SDK1: variants seen among roughly 807,000 people sequenced by gnomAD.
The protein encoded by SDK1 is sidekick cell adhesion molecule 1.
SDK1 carries 157 observed loss-of-function variants against 245.5 expected under a neutral mutation model. That is an observed-to-expected ratio of 0.64 (90% CI 0.56 to 0.73). The LOEUF is 0.73. Among genes scored for constraint, SDK1 ranks in the 30% least tolerant of loss-of-function variants. The pLI is 0.00. For missense variants in SDK1, 3,583 were observed against 3,002.3 expected, an observed-to-expected ratio of 1.19 and a Z score of -4.52; for synonymous variants, 1,647 against 1,278.5, an observed-to-expected ratio of 1.29 and a Z score of -6.15.
At chr7:4,002,440 T>G (rs1185589718) in intron 14 of SDK1, among the ~76,000 whole-genome samples, 1 of 152,140 alleles carries the variant, frequency 6.6e-6, no homozygotes, top group Non-Finnish European at 1.5e-5. Context: ...CAAACTAATC[T>G]CAGTAACTCA....
intron 1 of SDK1, among the ~76,000 whole-genome samples, chr7:3,366,995 C>T (rs4571639): frequency 0.46 from 69,906 of 151,964 alleles, 17,715 homozygotes; most frequent in East Asian, 0.62. Context: ...CTGCCTCAGC[C>T]TCCCAAAGTG....
chr7:3,943,682 C>T (rs867603248), intron 5 of SDK1, among the ~76,000 whole-genome samples: 1 of 151,928 alleles, frequency 6.6e-6, no homozygotes, highest in Admixed American at 6.5e-5. Flanking sequence ...AGTGACTCCA[C>T]AGCTTAGCAG....
chr7:3,487,807 C>T (rs1284540359), intron 1 of SDK1, among the ~76,000 whole-genome samples: 1 of 150,480 alleles, frequency 6.6e-6, no homozygotes, highest in Non-Finnish European at 1.5e-5. Flanking sequence ...TGTGGCTCTC[C>T]AAAGCTCAGC....
intron 1 of SDK1, among the ~76,000 whole-genome samples, chr7:3,332,778 C>A (rs1468420684): frequency 6.6e-6 from 1 of 151,586 alleles, no homozygotes; most frequent in Non-Finnish European, 1.5e-5. Context: ...AACTTCTTTT[C>A]CCCCCAGGAA....
At chr7:3,610,799 T>C (rs1464823837) in intron 1 of SDK1, among the ~76,000 whole-genome samples, 1 of 152,248 alleles carries the variant, frequency 6.6e-6, no homozygotes, top group Non-Finnish European at 1.5e-5. Context: ...GCTGACTGCA[T>C]AGGCAAACTA....
intron 44 of SDK1, among the ~76,000 whole-genome samples, chr7:4,246,396 G>C (rs957968654): frequency 6.6e-6 from 1 of 152,120 alleles, no homozygotes; most frequent in Admixed American, 6.5e-5. Flanking sequence ...GTGGACTCCT[G>C]CCTCGGAGGC....
chr7:3,319,381 G>A (rs995046123), intron 1 of SDK1, among the ~76,000 whole-genome samples: 2 of 152,094 alleles, frequency 1.3e-5, no homozygotes, highest in East Asian at 3.9e-4. Context: ...GTGCCTGTAA[G>A]AGCATCTGGG....
chr7:3,658,019 A>G (rs1053601282), intron 4 of SDK1, among the ~76,000 whole-genome samples: 2 of 152,186 alleles, frequency 1.3e-5, no homozygotes, highest in Admixed American at 1.3e-4. Flanking sequence ...GGTCCTGCAC[A>G]GGCCTTGGGC....
intron 1 of SDK1, among the ~76,000 whole-genome samples, chr7:3,488,365 C>T (rs766278681): frequency 5.1e-4 from 77 of 152,032 alleles, no homozygotes; most frequent in Non-Finnish European, 9.3e-4. Flanking sequence ...TTTGTAATTG[C>T]TTGTTTGGCT....
At chr7:3,350,135 C>T (rs1429822078) in intron 1 of SDK1, among the ~76,000 whole-genome samples, 1 of 152,010 alleles carries the variant, frequency 6.6e-6, no homozygotes, top group Admixed American at 6.6e-5. Context: ...GAGAGGTAAG[C>T]CATTTTAAGT....
At chr7:3,425,019 T>G (rs73034795) in intron 1 of SDK1, among the ~76,000 whole-genome samples, 4,595 of 152,260 alleles carry the variant, frequency 0.03, 96 homozygotes, top group Middle Eastern at 0.045. Flanking sequence ...ATAAATTATT[T>G]ATTAATCAAT....
chr7:4,133,510 TGGGTGG>T (rs1784990054), intron 28 of SDK1, among the ~76,000 whole-genome samples: 1 of 152,150 alleles, frequency 6.6e-6, no homozygotes, highest in Non-Finnish European at 1.5e-5. Flanking sequence ...CAGCTCCTTC[TGGGTGG>T]GGTCTCTGTG....
At chr7:3,370,570 G>A (rs1404114623) in intron 1 of SDK1, among the ~76,000 whole-genome samples, 2 of 152,168 alleles carry the variant, frequency 1.3e-5, no homozygotes, top group Admixed American at 6.5e-5. Context: ...TGGACTACTT[G>A]GGCCCGATAT....
At chr7:3,666,697 T>A (rs1212629566) in intron 4 of SDK1, among the ~76,000 whole-genome samples, 2 of 151,048 alleles carry the variant, frequency 1.3e-5, no homozygotes, top group Admixed American at 6.6e-5. Context: ...TTAATTGTTT[T>A]ATGCCTAATA....
At chr7:3,700,102 A>G (rs1187375136) in intron 4 of SDK1, among the ~76,000 whole-genome samples, 1 of 152,212 alleles carries the variant, frequency 6.6e-6, no homozygotes, top group Non-Finnish European at 1.5e-5. Context: ...AAAGCTGGTG[A>G]AACTATCCTT....
intron 1 of SDK1, among the ~76,000 whole-genome samples, chr7:3,417,134 A>G (rs1229138498): frequency 1.3e-5 from 2 of 152,200 alleles, no homozygotes; most frequent in East Asian, 3.8e-4. Flanking sequence ...AGACTGCGCC[A>G]CTGCACTCAA....
chr7:3,947,163 G>GCACA (rs144997929), intron 5 of SDK1, among the ~76,000 whole-genome samples: 5 of 150,874 alleles, frequency 3.3e-5, no homozygotes, highest in Non-Finnish European at 7.4e-5. Flanking sequence ...ATGCATGCAT[G>GCACA]CACACACACA....
chr7:4,240,483 C>G (rs1786450084), intron 42 of SDK1, among the ~76,000 whole-genome samples: 1 of 152,112 alleles, frequency 6.6e-6, no homozygotes, highest in Non-Finnish European at 1.5e-5. Flanking sequence ...TCCCAAATCC[C>G]CTCTCCCAGG....
chr7:3,864,346 A>G (rs531957918), intron 5 of SDK1, among the ~76,000 whole-genome samples: 106 of 152,124 alleles, frequency 7.0e-4, no homozygotes, highest in African/African-American at 2.3e-3. Context: ...TGTCATTTTA[A>G]TGGGGCTTTG....
Sources: gnomAD v4.1 joint callset for allele counts (sites outside exome capture counted in the v4.1 genomes callset) on GRCh38, gnomAD v4.1.1 for gene constraint, MANE v1.5 for transcripts, NCBI Gene and HGNC (gene_info 2026-07-23, HGNC 2026-07-21) for gene names.